CCBE1: variants seen among roughly 807,000 people sequenced by gnomAD.
The protein encoded by CCBE1 is collagen and calcium-binding EGF domain-containing protein 1.
Under a neutral mutation model 50.0 loss-of-function variants are expected in CCBE1, and 37 were observed. That is an observed-to-expected ratio of 0.74 (90% CI 0.57 to 0.97). The LOEUF (loss-of-function observed/expected upper bound fraction) is 0.97. Among genes scored for constraint, CCBE1 ranks in the 50% least tolerant of loss-of-function variants. The pLI, the probability that CCBE1 is intolerant of heterozygous loss-of-function variation, is 0.00. For missense variants in CCBE1, 538 were observed against 523.8 expected (o/e 1.03, Z -0.26); for synonymous variants, 234 against 203.7 (o/e 1.15, Z -1.27).
intron 4 of CCBE1, among the ~76,000 whole-genome samples, chr18:59,467,165 C>T (rs759685378): frequency 1.3e-5 from 2 of 152,224 alleles, no homozygotes; most frequent in Non-Finnish European, 2.9e-5. Context: ...GACTGCTAGC[C>T]TTCAGAGATC....
At chr18:59,557,901 C>A (rs1286922231) in intron 2 of CCBE1, among the ~76,000 whole-genome samples, 1 of 152,208 alleles carries the variant, frequency 6.6e-6, no homozygotes, top group Non-Finnish European at 1.5e-5. Context: ...CCGCTGGTAA[C>A]AATACCTTTA....
chr18:59,503,538 A>AAT (rs1423449986), intron 2 of CCBE1, among the ~76,000 whole-genome samples: 2 of 152,104 alleles, frequency 1.3e-5, no homozygotes, highest in Non-Finnish European at 2.9e-5. Flanking sequence ...GACACTTGGA[A>AAT]ATGTTTCCAG....
chr18:59,534,144 G>C (rs1568191738), intron 2 of CCBE1, among the ~76,000 whole-genome samples: 1 of 152,108 alleles, frequency 6.6e-6, no homozygotes, highest in Non-Finnish European at 1.5e-5. Flanking sequence ...TGATAATGTT[G>C]GCTAATGATA....
chr18:59,660,444 C>T (rs1364192990), intron 2 of CCBE1, among the ~76,000 whole-genome samples: 1 of 152,096 alleles, frequency 6.6e-6, no homozygotes, highest in Non-Finnish European at 1.5e-5. Context: ...TACGGTATTC[C>T]AATTCCTAAA....
chr18:59,578,546 C>A (rs897030066), intron 2 of CCBE1, among the ~76,000 whole-genome samples: 31 of 152,148 alleles, frequency 2.0e-4, no homozygotes, highest in Admixed American at 5.9e-4. Flanking sequence ...TGGAACCAAC[C>A]CAAATGCCCA....
chr18:59,500,576 G>T (rs1361014165), intron 2 of CCBE1, among the ~76,000 whole-genome samples: 2 of 152,098 alleles, frequency 1.3e-5, no homozygotes, highest in Non-Finnish European at 2.9e-5. Flanking sequence ...AAGTCCCCAT[G>T]GCACCTTCTT....
rs917491093 is a variant in CCBE1 at position 59,433,444 on chromosome 18, G to A, written c.*2464C>T. The A allele has an allele frequency of 6.6e-6, 1 of 151,924 alleles. No homozygotes were observed. Among genetic ancestry groups the A allele is most frequent in the Non-Finnish European group, 1.5e-5 (1 of 67,978 alleles). The allele number at this position is 151,924 out of a possible 1,614,324, so 9.4% of individuals were successfully genotyped here. On this transcript the variant is annotated 3_prime_UTR_variant, in exon 11 of 11. Coordinates refer to ENST00000439986, the MANE Select transcript of CCBE1 (RefSeq NM_133459.4). Reference sequence around the variant, plus strand: ...TAAATGAGACATAGAGGAGCAAAGTGTTCATGAAAGACTCGGTCACATGCT... The same window carrying A: ...TAAATGAGACATAGAGGAGCAAAGTATTCATGAAAGACTCGGTCACATGCT...
intron 2 of CCBE1, among the ~76,000 whole-genome samples, chr18:59,491,318 C>T (rs1417117496): frequency 6.6e-6 from 1 of 152,176 alleles, no homozygotes. Flanking sequence ...CATTGCTCCC[C>T]CACCTTTTTC....
intron 5 of CCBE1, among the ~76,000 whole-genome samples, chr18:59,458,444 C>T (rs1022397809): frequency 1.1e-4 from 16 of 152,230 alleles, no homozygotes; most frequent in African/African-American, 3.1e-4. Context: ...CTTTTACATA[C>T]TCAGTTAAAT....
At chr18:59,501,265 T>TCCA (rs1222372001) in intron 2 of CCBE1, among the ~76,000 whole-genome samples, 17 of 152,264 alleles carry the variant, frequency 1.1e-4, no homozygotes, top group African/African-American at 4.1e-4. Flanking sequence ...CTGGGGCTGC[T>TCCA]TCGTCCTCCA....
chr18:59,567,880 T>A (rs899161474), intron 2 of CCBE1, among the ~76,000 whole-genome samples: 11 of 152,350 alleles, frequency 7.2e-5, no homozygotes, highest in Admixed American at 7.2e-4. Context: ...CAGACACATA[T>A]CACATACAGA....
intron 2 of CCBE1, among the ~76,000 whole-genome samples, chr18:59,519,938 C>T (rs539317354): frequency 6.6e-6 from 1 of 152,132 alleles, no homozygotes; most frequent in South Asian, 2.1e-4. Flanking sequence ...GAATCATTTC[C>T]CTATTGCTTG....
intron 2 of CCBE1, among the ~76,000 whole-genome samples, chr18:59,596,405 T>C (rs1019081545): frequency 2.0e-5 from 3 of 152,206 alleles, no homozygotes; most frequent in African/African-American, 7.2e-5. Context: ...GGACTGTAAA[T>C]TGACCATTTT....
intron 3 of CCBE1, among the ~76,000 whole-genome samples, chr18:59,475,684 C>T (rs1598933663): frequency 6.6e-6 from 1 of 152,050 alleles, no homozygotes; most frequent in Non-Finnish European, 1.5e-5. Flanking sequence ...GACTCTATAC[C>T]TCTTTTATTC....
intron 2 of CCBE1, among the ~76,000 whole-genome samples, chr18:59,489,987 G>GTT (rs199609938): frequency 0.072 from 8,742 of 122,162 alleles, 1,327 homozygotes; most frequent in African/African-American, 0.25. Context: ...CGCATAAGGA[G>GTT]TTTTTTTTTT....
intron 2 of CCBE1, among the ~76,000 whole-genome samples, chr18:59,695,018 CACCACACTGCTTT>C (rs1268540526): frequency 2.0e-5 from 3 of 152,162 alleles, no homozygotes; most frequent in Non-Finnish European, 4.4e-5. Context: ...ATAAAAGAAA[CACCACACTGCTTT>C]AAGAAGTCTG....
chr18:59,600,804 C>G (rs1200934041), intron 2 of CCBE1, among the ~76,000 whole-genome samples: 1 of 152,116 alleles, frequency 6.6e-6, no homozygotes, highest in Non-Finnish European at 1.5e-5. Flanking sequence ...CCTGATTCTT[C>G]AGTTAGCATC....
At chr18:59,614,702 G>A (rs1206850882) in intron 2 of CCBE1, among the ~76,000 whole-genome samples, 1 of 152,228 alleles carries the variant, frequency 6.6e-6, no homozygotes, top group Non-Finnish European at 1.5e-5. Context: ...GCCTAGTTTA[G>A]AGTTTGTTTC....
intron 2 of CCBE1, among the ~76,000 whole-genome samples, chr18:59,621,444 G>A (rs971859887): frequency 6.6e-6 from 1 of 152,204 alleles, no homozygotes; most frequent in South Asian, 2.1e-4. Flanking sequence ...CAGTGGAGCT[G>A]CTCATAGATG....
Sources: allele counts gnomAD v4.1 joint callset (sites outside exome capture counted in the v4.1 genomes callset), GRCh38; gene constraint gnomAD v4.1.1; transcripts MANE v1.5; gene names NCBI Gene and HGNC (gene_info 2026-07-23, HGNC 2026-07-21).